TRMT11: variants seen among roughly 807,000 people sequenced by gnomAD.
TRMT11 encodes the protein tRNA methyltransferase 11, also known as tRNA (guanine(10)-N(2))-methyltransferase TRMT11.
A neutral mutation model predicts 62.8 loss-of-function variants in TRMT11; 53 were observed. That is an observed-to-expected ratio of 0.84 (90% confidence interval 0.68 to 1.06). The LOEUF (loss-of-function observed/expected upper bound fraction) is 1.06. TRMT11 is among the 50% of genes least tolerant of loss of function. The pLI, the probability that TRMT11 is intolerant of heterozygous loss-of-function variation, is 0.00. For missense variants in TRMT11, 556 were observed against 553.4 expected (o/e 1.00, Z -0.05); for synonymous variants, 188 against 190.3 (o/e 0.99, Z 0.10).
At chr6:126,090,143 T>A (rs550940185) in intron 17 of TRMT11, among the ~76,000 whole-genome samples, 2 of 152,356 alleles carry the variant, frequency 1.3e-5, no homozygotes, top group South Asian at 4.1e-4. Flanking sequence ...CCTAAACTTT[T>A]CTTTGCACCC....
the TRMT11 span, among the ~76,000 whole-genome samples, chr6:126,224,591 A>T: frequency 1.3e-5 from 2 of 152,164 alleles, no homozygotes; most frequent in Non-Finnish European, 2.9e-5. Flanking sequence ...GTGCTTCATC[A>T]GGGTGGTGGC....
chr6:126,221,323 T>C, the TRMT11 span, among the ~76,000 whole-genome samples: 2 of 152,226 alleles, frequency 1.3e-5, no homozygotes, highest in African/African-American at 4.8e-5. Context: ...TTAAGTTCTT[T>C]GTGAAATCTC....
chr6:126,063,629 G>A (rs930943493), intron 17 of TRMT11, among the ~76,000 whole-genome samples: 1 of 152,208 alleles, frequency 6.6e-6, no homozygotes, highest in African/African-American at 2.4e-5. Context: ...TTACAGATGG[G>A]TCTGAGGTGA....
chr6:126,014,628 G>A (rs1794719143), intron 11 of TRMT11, among the ~76,000 whole-genome samples: 1 of 152,156 alleles, frequency 6.6e-6, no homozygotes, highest in Non-Finnish European at 1.5e-5. Flanking sequence ...CAGGCTTTGG[G>A]ACCCTCAGCT....
At chr6:126,002,255 G>A (rs548280534) in intron 7 of TRMT11, among the ~76,000 whole-genome samples, 3 of 152,258 alleles carry the variant, frequency 2.0e-5, no homozygotes, top group African/African-American at 7.2e-5. Flanking sequence ...TATACTGTGC[G>A]TATGCACATA....
chr6:126,204,003 C>T (rs1446821690), downstream of TRMT11, among the ~76,000 whole-genome samples: 1 of 150,976 alleles, frequency 6.6e-6, no homozygotes, highest in East Asian at 2.0e-4. Flanking sequence ...GCAATTATAC[C>T]AGTTAAGAAC....
intron 8 of TRMT11, among the ~76,000 whole-genome samples, chr6:126,010,516 G>A (rs1346170090): frequency 6.6e-6 from 1 of 151,988 alleles, no homozygotes; most frequent in East Asian, 1.9e-4. Flanking sequence ...ATGTTATTCA[G>A]CCTTATGGAG....
the TRMT11 span, among the ~76,000 whole-genome samples, chr6:126,241,883 A>T: frequency 6.6e-6 from 1 of 152,212 alleles, no homozygotes; most frequent in Non-Finnish European, 1.5e-5. Flanking sequence ...CAAGACAGGG[A>T]TGCCCTCTCT....
chr6:126,179,460 C>G (rs898132641), intron 1 of TRMT11, among the ~76,000 whole-genome samples: 14 of 152,168 alleles, frequency 9.2e-5, no homozygotes, highest in Admixed American at 3.9e-4. Context: ...CAGCATGTGA[C>G]AGTGTTGATC....
chr6:126,242,470 T>C, the TRMT11 span, among the ~76,000 whole-genome samples: 1 of 152,138 alleles, frequency 6.6e-6, no homozygotes, highest in African/African-American at 2.4e-5. Flanking sequence ...AAGCCCACAT[T>C]GCCAAGTCAA....
At chr6:126,170,732 C>T (rs182817051) in intron 21 of TRMT11, among the ~76,000 whole-genome samples, 72 of 152,212 alleles carry the variant, frequency 4.7e-4, no homozygotes, top group African/African-American at 1.6e-3. Flanking sequence ...GTTTGAGAAG[C>T]ACAATCTCGA....
intron 17 of TRMT11, among the ~76,000 whole-genome samples, chr6:126,062,177 T>C (rs576601776): frequency 1.3e-5 from 2 of 152,346 alleles, no homozygotes; most frequent in South Asian, 4.1e-4. Flanking sequence ...TGAGCCACCA[T>C]GCCTGGCCAA....
the TRMT11 span, among the ~76,000 whole-genome samples, chr6:126,218,207 TG>T: frequency 6.6e-6 from 1 of 152,228 alleles, no homozygotes; most frequent in Non-Finnish European, 1.5e-5. Context: ...GTTGGTGCTC[TG>T]CCCCACTGTG....
At chr6:126,141,868 T>G (rs777988226) in intron 21 of TRMT11, among the ~76,000 whole-genome samples, 3 of 152,122 alleles carry the variant, frequency 2.0e-5, no homozygotes, top group Non-Finnish European at 4.4e-5. Context: ...ACTTCACTAT[T>G]TCAAGACTTT....
chr6:126,268,987 C>T, the TRMT11 span, among the ~76,000 whole-genome samples: 4 of 151,944 alleles, frequency 2.6e-5, no homozygotes, highest in East Asian at 3.9e-4. Flanking sequence ...GTTGGCCGGG[C>T]GCGGTGGCTC....
At chr6:126,093,515 C>G (rs2128169956) in intron 17 of TRMT11, among the ~76,000 whole-genome samples, 1 of 142,314 alleles carries the variant, frequency 7.0e-6, no homozygotes. Context: ...TTGAGAAAAA[C>G]TGGGGTGATG....
chr6:126,018,432 A>AT (rs1189027984), intron 11 of TRMT11, among the ~76,000 whole-genome samples: 1 of 152,170 alleles, frequency 6.6e-6, no homozygotes, highest in African/African-American at 2.4e-5. Flanking sequence ...GTCAAAATTG[A>AT]TTCGTGGAAA....
chr6:126,259,916 G>A, the TRMT11 span, among the ~76,000 whole-genome samples: 2 of 152,012 alleles, frequency 1.3e-5, no homozygotes, highest in Non-Finnish European at 2.9e-5. Context: ...TGTTTGTATG[G>A]GATCTTCTTC....
the TRMT11 span, among the ~76,000 whole-genome samples, chr6:126,261,327 T>C: frequency 6.6e-6 from 1 of 152,214 alleles, no homozygotes; most frequent in Non-Finnish European, 1.5e-5. Context: ...AGATAATGAA[T>C]TGCTTTTCTG....
Sources: allele counts gnomAD v4.1 joint callset (sites outside exome capture counted in the v4.1 genomes callset), GRCh38; gene constraint gnomAD v4.1.1; transcripts MANE v1.5; gene names NCBI Gene and HGNC (gene_info 2026-07-23, HGNC 2026-07-21).